The following ENO1 variants were observed in gnomAD, a reference collection of about 807,000 sequenced individuals.
ENO1 encodes enolase 1.
Under a neutral mutation model 46.3 loss-of-function variants are expected in ENO1, and 33 were observed. That is an observed-to-expected ratio of 0.71 (90% confidence interval 0.54 to 0.95). The LOEUF (loss-of-function observed/expected upper bound fraction) is 0.95. Ranked by LOEUF, ENO1 falls within the 40% of genes least tolerant of loss-of-function variation. The pLI, the probability that ENO1 is intolerant of heterozygous loss-of-function variation, is 0.00. For missense variants in ENO1, 488 were observed against 553.3 expected (o/e 0.88, Z 1.18); for synonymous variants, 220 against 216.0 (o/e 1.02, Z -0.16).
chr1:8,873,670 TGCCCAACGAA>T (rs990039973), intron 2 of ENO1: 1 of 152,256 alleles, frequency 6.6e-6, no homozygotes, highest in African/African-American at 2.4e-5. Context: ...GGCATTCTTT[TGCCCAACGAA>T]GTCAGGCCTC....
chr1:8,876,754 C>T (rs941612059), intron 1 of ENO1, among the ~76,000 whole-genome samples: 1 of 150,338 alleles, frequency 6.7e-6, no homozygotes, highest in Non-Finnish European at 1.5e-5. Context: ...GTCGAGATCG[C>T]GCCACTACAC....
chr1:8,864,240 T>C, intron 8 of ENO1, 148 bp from the exon 9 acceptor site: 1 of 831,302 alleles, frequency 1.2e-6, no homozygotes. Flanking sequence ...CAACTGATCC[T>C]TGAAACAATG....
At position 8,862,881 on chromosome 1, in the gene ENO1, C is replaced by A; in HGVS notation, c.1235+6G>T. On this transcript the variant is annotated splice_donor_region_variant and intron_variant, in intron 11 of 11. Transcript: ENST00000234590. ...CAGGCCCCTTGTTCTCAGGAGCCCT[C>A]CTTACCTGAGGAGCTGGTTGTACTT... is the stretch of plus-strand genomic sequence containing the variant. 6.2e-7 allele frequency: 1 copy of A among 1,614,016 alleles called. No individual in the cohort carries two copies. Among genetic ancestry groups the A allele is most frequent in the Non-Finnish European group, 8.5e-7 (1 of 1,179,930 alleles).
chr1:8,864,185 G>A lies in ENO1; in HGVS notation c.866-93C>T, dbSNP rs955929280. ...TTGCTTCCCCCTTGACTTGCTGCTC[G>A]CCTGGCCTCACAATGCCCAAAAGCA... On this transcript the variant is annotated intron_variant, in intron 8 of 11. Coordinates refer to ENST00000234590, the MANE Select transcript of ENO1 (RefSeq NM_001428.5). 21 of 1,398,534 alleles carry A rather than the reference G, an allele frequency of 1.5e-5. No individual in the cohort carries two copies. The African/African-American group carries it at 1.8e-4, about 12-fold the overall frequency. 86.6% of individuals were successfully genotyped at this position (1,398,534 alleles called of 1,614,324 possible). A position where few individuals can be genotyped will look rare whatever the true frequency, so the allele number is the denominator to read the frequency against.
At chr1:8,878,094 G>C (rs1055367903) in intron 1 of ENO1, 3 of 154,968 alleles carry the variant, frequency 1.9e-5, no homozygotes, top group African/African-American at 7.2e-5. Flanking sequence ...GGGGGCTACC[G>C]GTGGGGGAGG....
At chr1:8,863,160 C>A in intron 10 of ENO1, 75 bp downstream of exon 10, 1 of 1,541,284 alleles carries the variant, frequency 6.5e-7, no homozygotes, top group Non-Finnish European at 8.9e-7. Flanking sequence ...CGGGGACAGA[C>A]ATGGAGCCTC....
intron 5 of ENO1, 103 bp downstream of exon 5, chr1:8,867,885 T>C: frequency 4.8e-6 from 5 of 1,035,642 alleles, no homozygotes; most frequent in East Asian, 2.4e-5. Context: ...CACAGGCTCA[T>C]GTAGCTCATC....
At chr1:8,872,839 G>T (rs1185827260) in intron 2 of ENO1, among the ~76,000 whole-genome samples, 1 of 152,162 alleles carries the variant, frequency 6.6e-6, no homozygotes, top group Admixed American at 6.6e-5. Flanking sequence ...TGGGGGGAAG[G>T]AATAAAGATA....
intron 6 of ENO1, 65 bp downstream of exon 6, chr1:8,867,052 C>T (rs1642533015): frequency 7.0e-6 from 11 of 1,581,766 alleles, no homozygotes; most frequent in African/African-American, 2.7e-5. Context: ...TAGGAGGTCT[C>T]GGGTCCCCAA....
intron 3 of ENO1, chr1:8,870,883 C>A (rs1345087296): frequency 7.9e-7 from 1 of 1,261,430 alleles, no homozygotes; most frequent in Admixed American, 3.7e-5. Flanking sequence ...TCTGGAGACG[C>A]CTGCCCAGCA....
At chr1:8,875,489 T>G (rs1344133548) in intron 1 of ENO1, among the ~76,000 whole-genome samples, 1 of 152,032 alleles carries the variant, frequency 6.6e-6, no homozygotes, top group Non-Finnish European at 1.5e-5. Context: ...AGAACAGACA[T>G]GAAGGTCACA....
At chr1:8,865,218 A>G in intron 8 of ENO1, 67 bp downstream of exon 8, 1 of 1,580,382 alleles carries the variant, frequency 6.3e-7, no homozygotes, top group Middle Eastern at 1.8e-4. Flanking sequence ...CCAGCCAGCC[A>G]GATGCTCCAG....
chr1:8,862,747 G>T, intron 11 of ENO1, 140 bp downstream of exon 11: 4 of 937,462 alleles, frequency 4.3e-6, no homozygotes, highest in Non-Finnish European at 6.3e-6. Context: ...GCCTGCTCAG[G>T]GCCTGGCTGT....
chr1:8,861,366 G>T lies in ENO1; in HGVS notation c.1299C>A (p.Ala433=), dbSNP rs139671695. ...FAGRNFRNPL[A]K ...GGGCTTGCCTGCCCACAGCTTACTT[G>T]GCCAAGGGGTTTCTGAAGTTCCTGC... The change falls in exon 12 of 12, where the codon GCC becomes GCA. Residue 433 remains alanine (A), a synonymous_variant. Transcript: ENST00000234590. 1.7e-4 allele frequency: 274 copies of T among 1,613,792 alleles called. No individual in the cohort carries two copies. The highest frequency in any genetic ancestry group is 6.8e-4 in the Middle Eastern group (4 of 5,876).
At chr1:8,863,793 T>A (rs1642453671) in intron 9 of ENO1, 98 bp downstream of exon 9, 1 of 1,360,584 alleles carries the variant, frequency 7.3e-7, no homozygotes, top group East Asian at 2.3e-5. Flanking sequence ...AGTCCTACAT[T>A]CTGGCCAGCA....
chr1:8,861,234 G>A lies in ENO1; in HGVS notation c.*126C>T. 1 of 945,534 alleles carries A rather than the reference G, an allele frequency of 1.1e-6. No individual in the cohort carries two copies. The highest frequency in any genetic ancestry group is 2.5e-5 in the East Asian group (1 of 40,756). 58.6% of individuals were successfully genotyped at this position (945,534 alleles called of 1,614,324 possible). Reference sequence around the variant, plus strand: ...CTAAGGAAGCGGTACGAACTCCACGGCGGTGGGGCGCTAACTAGCAGGGAC... The same window carrying A: ...CTAAGGAAGCGGTACGAACTCCACGACGGTGGGGCGCTAACTAGCAGGGAC... On this transcript the variant is annotated 3_prime_UTR_variant, in exon 12 of 12. Transcript: ENST00000234590.
At chr1:8,862,057 A>C (rs1339043955) in intron 11 of ENO1, among the ~76,000 whole-genome samples, 1 of 152,094 alleles carries the variant, frequency 6.6e-6, no homozygotes, top group African/African-American at 2.4e-5. Flanking sequence ...CTCAGACAGG[A>C]GAATTGCTTG....
At chr1:8,872,367 G>C (rs1642651167) in intron 2 of ENO1, among the ~76,000 whole-genome samples, 1 of 149,784 alleles carries the variant, frequency 6.7e-6, no homozygotes, top group South Asian at 2.1e-4. Context: ...GCCACACAGG[G>C]CATTGAAGAC....
At chr1:8,871,835 G>A (rs1484815643) in intron 3 of ENO1, 56 bp downstream of exon 3, 2 of 1,579,706 alleles carry the variant, frequency 1.3e-6, no homozygotes, top group Admixed American at 1.7e-5. Context: ...GACTGGGCAA[G>A]GCCAGGAATG....
Sources: gnomAD v4.1 joint callset for allele counts (sites outside exome capture counted in the v4.1 genomes callset) on GRCh38, gnomAD v4.1.1 for gene constraint, MANE v1.5 for transcripts, NCBI Gene and HGNC (gene_info 2026-07-23, HGNC 2026-07-21) for gene names.